The following GRM8 variants were observed in gnomAD, a reference collection of about 807,000 sequenced individuals.
GRM8 encodes metabotropic glutamate receptor 8.
Under a neutral mutation model 87.2 loss-of-function variants are expected in GRM8, and 47 were observed. The observed-to-expected ratio is 0.54, with a 90% CI of 0.43 to 0.69. GRM8 has a LOEUF of 0.69. Ranked by LOEUF, GRM8 falls within the 30% of genes least tolerant of loss-of-function variation. GRM8 has a pLI of 0.00. For missense variants in GRM8, 1,019 were observed against 1,139.2 expected (o/e 0.89, Z 1.52); for synonymous variants, 396 against 404.5 (o/e 0.98, Z 0.25).
At chr7:126,524,735 C>G (rs1231866937) in intron 9 of GRM8, among the ~76,000 whole-genome samples, 2 of 151,678 alleles carry the variant, frequency 1.3e-5, no homozygotes, top group East Asian at 3.9e-4. Flanking sequence ...TTTATTTTGC[C>G]CTCTAGATCT....
chr7:126,577,200 T>C (rs939673240), intron 8 of GRM8, among the ~76,000 whole-genome samples: 1 of 152,180 alleles, frequency 6.6e-6, no homozygotes, highest in Non-Finnish European at 1.5e-5. Context: ...AATCTAGGCA[T>C]GGGTGCCACA....
chr7:126,474,989 C>CGGT (rs1584743728), intron 9 of GRM8, among the ~76,000 whole-genome samples: 1 of 152,082 alleles, frequency 6.6e-6, no homozygotes, highest in East Asian at 1.9e-4. Context: ...CTCAACATAA[C>CGGT]AAATGCCATA....
At chr7:126,989,885 C>G (rs1812471962) in intron 3 of GRM8, among the ~76,000 whole-genome samples, 1 of 151,900 alleles carries the variant, frequency 6.6e-6, no homozygotes, top group African/African-American at 2.4e-5. Flanking sequence ...TCACCTGAGC[C>G]CAGGAGGTAG....
intron 8 of GRM8, among the ~76,000 whole-genome samples, chr7:126,577,386 C>G (rs1417987966): frequency 6.6e-6 from 1 of 152,080 alleles, no homozygotes; most frequent in Admixed American, 6.6e-5. Context: ...TAATCCAATA[C>G]CAAATAGTAG....
At chr7:126,904,957 T>C (rs915027647) in intron 3 of GRM8, among the ~76,000 whole-genome samples, 1 of 152,166 alleles carries the variant, frequency 6.6e-6, no homozygotes, top group South Asian at 2.1e-4. Context: ...ATAAGATGTG[T>C]GATGAGAGTC....
At chr7:127,190,715 G>C (rs1235984762) in intron 2 of GRM8, among the ~76,000 whole-genome samples, 1 of 152,102 alleles carries the variant, frequency 6.6e-6, no homozygotes, top group Admixed American at 6.6e-5. Context: ...TGCAAAGATG[G>C]AACCCATGCA....
At chr7:127,032,131 C>T (rs1463668936) in intron 3 of GRM8, among the ~76,000 whole-genome samples, 1 of 152,098 alleles carries the variant, frequency 6.6e-6, no homozygotes, top group Non-Finnish European at 1.5e-5. Flanking sequence ...TATTCTTTTA[C>T]TATTCCTGTT....
chr7:126,964,538 G>A (rs1014985129), intron 3 of GRM8, among the ~76,000 whole-genome samples: 1 of 152,156 alleles, frequency 6.6e-6, no homozygotes, highest in Non-Finnish European at 1.5e-5. Flanking sequence ...CATTTATGCA[G>A]CCAACAAACA....
chr7:127,168,601 A>G (rs533798677), intron 2 of GRM8, among the ~76,000 whole-genome samples: 2 of 152,332 alleles, frequency 1.3e-5, no homozygotes, highest in South Asian at 2.1e-4. Flanking sequence ...AAGACTTGGA[A>G]CCAACCCAAA....
At chr7:127,028,683 C>T (rs918121777) in intron 3 of GRM8, among the ~76,000 whole-genome samples, 1 of 151,950 alleles carries the variant, frequency 6.6e-6, no homozygotes, top group Non-Finnish European at 1.5e-5. Context: ...GGTGATATCC[C>T]CTTTTATCAT....
intron 3 of GRM8, among the ~76,000 whole-genome samples, chr7:127,045,865 C>G (rs927484556): frequency 4.6e-5 from 7 of 152,258 alleles, no homozygotes; most frequent in African/African-American, 1.4e-4. Context: ...TGTCTGGCTA[C>G]TCTTTCAATT....
rs965348411 is a variant in GRM8 at position 127,252,312 on chromosome 7, G to T, written c.-312+485C>A. 6.6e-6 allele frequency: 1 copy of T among 152,208 alleles called. No individual in the cohort carries two copies. Among genetic ancestry groups the T allele is most frequent in the Non-Finnish European group, 1.5e-5 (1 of 68,104 alleles). The allele number at this position is 152,208 out of a possible 1,614,324, so 9.4% of individuals were successfully genotyped here. On this transcript the variant is annotated intron_variant, in intron 1 of 10. Transcript: ENST00000339582. This position sits in a 1 kb window ranked among gnomAD's most constrained non-coding sequence, Gnocchi z 4.9. ...CCATTCGCCGACTAAACTTTTGGGG[G>T]ATCACATCTCCAAGCCTTGGGAGTT...
At chr7:126,894,766 A>G (rs184260179) in intron 6 of GRM8, among the ~76,000 whole-genome samples, 2 of 152,158 alleles carry the variant, frequency 1.3e-5, no homozygotes, top group Non-Finnish European at 2.9e-5. Context: ...AGAGCAGGAA[A>G]GGATGAAGGA....
chr7:127,100,149 G>T (rs1350094443), intron 3 of GRM8, among the ~76,000 whole-genome samples: 1 of 152,068 alleles, frequency 6.6e-6, no homozygotes, highest in Non-Finnish European at 1.5e-5. Flanking sequence ...ACTGTGAGAT[G>T]ATAAATTTCT....
At chr7:127,108,222 T>C (rs1826001962) in intron 2 of GRM8, among the ~76,000 whole-genome samples, 1 of 152,172 alleles carries the variant, frequency 6.6e-6, no homozygotes, top group Non-Finnish European at 1.5e-5. Flanking sequence ...AGGACACCCC[T>C]CCAAATCTCA....
intron 9 of GRM8, among the ~76,000 whole-genome samples, chr7:126,489,710 G>A (rs1356532913): frequency 6.6e-6 from 1 of 151,926 alleles, no homozygotes; most frequent in Non-Finnish European, 1.5e-5. Context: ...TTACTTTTAT[G>A]TGTTAACTTA....
intron 3 of GRM8, among the ~76,000 whole-genome samples, chr7:127,060,156 G>A (rs547874076): frequency 1.4e-4 from 21 of 152,166 alleles, no homozygotes; most frequent in African/African-American, 3.6e-4. Flanking sequence ...ACATGACATC[G>A]AAAGGCAAGT....
At chr7:127,189,355 G>GT (rs1253683158) in intron 2 of GRM8, among the ~76,000 whole-genome samples, 1 of 152,172 alleles carries the variant, frequency 6.6e-6, no homozygotes, top group Non-Finnish European at 1.5e-5. Flanking sequence ...GCCAGAGGGG[G>GT]ATGGGCATCA....
intron 9 of GRM8, among the ~76,000 whole-genome samples, chr7:126,471,670 G>A (rs1359659032): frequency 6.6e-6 from 1 of 151,936 alleles, no homozygotes; most frequent in Non-Finnish European, 1.5e-5. Flanking sequence ...ACTTGGCGAT[G>A]CGGGCTCTTT....
Sources: gnomAD v4.1 joint callset for allele counts (sites outside exome capture counted in the v4.1 genomes callset) on GRCh38, gnomAD v4.1.1 for gene constraint, Gnocchi (gnomAD v3.1) non-coding constraint, MANE v1.5 for transcripts, NCBI Gene and HGNC (gene_info 2026-07-23, HGNC 2026-07-21) for gene names.